The following VSNL1 variants were observed in gnomAD, a reference collection of about 807,000 sequenced individuals.
VSNL1 encodes visinin like 1.
Under a neutral mutation model 20.4 loss-of-function variants are expected in VSNL1, and 6 were observed. The ratio of observed to expected loss-of-function variants is 0.29; its 90% CI spans 0.16 to 0.58. The LOEUF (loss-of-function observed/expected upper bound fraction) is 0.58, where lower values mean the gene tolerates loss of function less well. VSNL1 is among the 20% of genes least tolerant of loss of function. The probability of loss-of-function intolerance (pLI) is 0.90; values close to 1 mark genes in which losing one functional copy is unlikely to be tolerated. For missense variants in VSNL1, 100 were observed against 234.5 expected (o/e 0.43, Z 3.75); for synonymous variants, 93 against 86.4 (o/e 1.08, Z -0.42).
chr2:17,552,951 C>T (rs1483151066), intron 1 of VSNL1, among the ~76,000 whole-genome samples: 1 of 152,064 alleles, frequency 6.6e-6, no homozygotes, highest in Non-Finnish European at 1.5e-5. Context: ...AATTGTACTC[C>T]TGAGATTAAT....
chr2:17,561,272 G>A (rs1572332908), intron 1 of VSNL1, among the ~76,000 whole-genome samples: 1 of 152,168 alleles, frequency 6.6e-6, no homozygotes, highest in East Asian at 1.9e-4. Flanking sequence ...AGACAAAGTG[G>A]CATTTGTGTT....
chr2:17,605,256 A>T (rs895751941), intron 2 of VSNL1, among the ~76,000 whole-genome samples: 1 of 152,234 alleles, frequency 6.6e-6, no homozygotes, highest in African/African-American at 2.4e-5. Flanking sequence ...CCTTCTCTGC[A>T]CAGCATCAAG....
chr2:17,627,751 A>C (rs923164195), intron 2 of VSNL1, among the ~76,000 whole-genome samples: 2 of 152,244 alleles, frequency 1.3e-5, no homozygotes, highest in African/African-American at 4.8e-5. Context: ...GTTACCTTCA[A>C]GAGTGATTGA....
intron 2 of VSNL1, among the ~76,000 whole-genome samples, chr2:17,644,499 G>C (rs559975137): frequency 6.6e-6 from 1 of 152,338 alleles, no homozygotes; most frequent in African/African-American, 2.4e-5. Flanking sequence ...CAAGACCCCG[G>C]AAGAGACAGG....
intron 3 of VSNL1, among the ~76,000 whole-genome samples, chr2:17,650,149 T>C (rs1268295352): frequency 1.3e-5 from 2 of 152,156 alleles, no homozygotes; most frequent in Non-Finnish European, 2.9e-5. Flanking sequence ...CCGGTTCCAC[T>C]TCAGGGCCTT....
intron 2 of VSNL1, among the ~76,000 whole-genome samples, chr2:17,595,032 A>G (rs565128360): frequency 6.6e-6 from 1 of 152,190 alleles, no homozygotes; most frequent in Non-Finnish European, 1.5e-5. Flanking sequence ...CCAAACTCCC[A>G]GGGCAGCTCC....
At chr2:17,567,452 G>T (rs1248594629) in intron 1 of VSNL1, 1 of 139,458 alleles carries the variant, frequency 7.2e-6, no homozygotes, top group Non-Finnish European at 1.5e-5. Flanking sequence ...TCCGCCTCCC[G>T]AGTTCACTCC....
In VSNL1 at chr2:17,556,924, G is replaced by A. The variant is rs142323521; in HGVS notation, c.-6+16006G>A. Among the ~76,000 whole-genome samples, 7 of 152,208 alleles carry A rather than the reference G, an allele frequency of 4.6e-5. No individual in the cohort carries two copies. In the East Asian group the frequency reaches 1.2e-3, roughly 25 times the overall value. On this transcript the variant is annotated intron_variant, in intron 1 of 3. Coordinates refer to ENST00000295156, the MANE Select transcript of VSNL1 (RefSeq NM_003385.5). ...CATCTGCCTGAGTTTAGTCATTCAA[G>A]GTCTTTTCACTTTTCACAGATTATT...
At chr2:17,609,905 C>T (rs1238134439) in intron 2 of VSNL1, among the ~76,000 whole-genome samples, 2 of 152,238 alleles carry the variant, frequency 1.3e-5, no homozygotes, top group African/African-American at 4.8e-5. Context: ...CCTTTTCCTG[C>T]ACCCACTCCC....
chr2:17,648,993 G>C lies in VSNL1; in HGVS notation c.163-417G>C, dbSNP rs190381356. 7.6e-4 allele frequency among the ~76,000 whole-genome samples: 116 copies of C among 152,320 alleles called. 2 individuals carry two copies. In the East Asian group the frequency reaches 0.021, roughly 28 times the overall value. ...GGCACCCTCCCTCTGGCCCTACTGG[G>C]CAGCGATGAAGCCAGATTCTCATAT... is the stretch of plus-strand genomic sequence containing the variant. On this transcript the variant is annotated intron_variant, in intron 2 of 3. Transcript: ENST00000295156.
chr2:17,547,200 G>A (rs1663423988), intron 1 of VSNL1, among the ~76,000 whole-genome samples: 1 of 151,926 alleles, frequency 6.6e-6, no homozygotes, highest in African/African-American at 2.4e-5. Flanking sequence ...CTGTGACCTT[G>A]AATAAATTGT....
chr2:17,560,207 TAC>T (rs1491017666), intron 1 of VSNL1, among the ~76,000 whole-genome samples: 3 of 149,476 alleles, frequency 2.0e-5, no homozygotes, highest in African/African-American at 7.3e-5. Context: ...CATATATATA[TAC>T]ATATATATAT....
intron 2 of VSNL1, among the ~76,000 whole-genome samples, chr2:17,621,919 G>A (rs1487106598): frequency 6.6e-6 from 1 of 152,022 alleles, no homozygotes; most frequent in Non-Finnish European, 1.5e-5. Flanking sequence ...ATGAGCCACC[G>A]CACCCAGCCA....
chr2:17,592,640 C>CTTT (rs55756596), intron 2 of VSNL1, among the ~76,000 whole-genome samples: 3 of 70,856 alleles, frequency 4.2e-5, no homozygotes, highest in African/African-American at 1.5e-4. Flanking sequence ...CTCTCTCTCT[C>CTTT]TTTTTTTTTT....
At chr2:17,603,530 C>CAG (rs1664878493) in intron 2 of VSNL1, among the ~76,000 whole-genome samples, 1 of 152,136 alleles carries the variant, frequency 6.6e-6, no homozygotes, top group African/African-American at 2.4e-5. Flanking sequence ...GGCAGGAAGA[C>CAG]AGGGGGATGA....
intron 2 of VSNL1, among the ~76,000 whole-genome samples, chr2:17,593,680 C>T (rs1664647053): frequency 6.6e-6 from 1 of 152,214 alleles, no homozygotes; most frequent in South Asian, 2.1e-4. Context: ...ATCACTGTGA[C>T]ATTTCTAAGA....
intron 2 of VSNL1, among the ~76,000 whole-genome samples, chr2:17,617,971 C>T (rs995348524): frequency 1.3e-5 from 2 of 152,080 alleles, no homozygotes; most frequent in Non-Finnish European, 2.9e-5. Flanking sequence ...TTTCCAGTGG[C>T]ACAGTTCAAG....
At chr2:17,542,713 G>T (rs575887280) in intron 1 of VSNL1, among the ~76,000 whole-genome samples, 53 of 152,256 alleles carry the variant, frequency 3.5e-4, no homozygotes, top group Admixed American at 7.2e-4. Context: ...TTCGATGAAT[G>T]GTGCAGGTGT....
chr2:17,603,692 C>T (rs546716392), intron 2 of VSNL1, among the ~76,000 whole-genome samples: 16 of 152,242 alleles, frequency 1.1e-4, no homozygotes, highest in South Asian at 8.3e-4. Flanking sequence ...GTATACAAGG[C>T]GATCAGATGG....
Sources: allele counts gnomAD v4.1 joint callset (sites outside exome capture counted in the v4.1 genomes callset), GRCh38; gene constraint gnomAD v4.1.1; transcripts MANE v1.5; gene names NCBI Gene and HGNC (gene_info 2026-07-23, HGNC 2026-07-21).